LAMP2: variants seen among roughly 807,000 people sequenced by gnomAD.
LAMP2 encodes the protein lysosome-associated membrane glycoprotein 2.
LAMP2 carries 4 observed loss-of-function variants against 25.6 expected under a neutral mutation model. That is an observed-to-expected ratio of 0.16 (90% CI 0.08 to 0.36). The LOEUF is 0.36. Among genes scored for constraint, LAMP2 ranks in the 10% least tolerant of loss-of-function variants. The probability of loss-of-function intolerance (pLI) is 1.00; values close to 1 mark genes in which losing one functional copy is unlikely to be tolerated. For missense variants in LAMP2, 272 were observed against 301.4 expected, an observed-to-expected ratio of 0.90 and a Z score of 0.72; for synonymous variants, 108 against 112.7, an observed-to-expected ratio of 0.96 and a Z score of 0.27.
In LAMP2 at chrX:120,455,497, G is replaced by A; in HGVS notation, c.257C>T (p.Pro86Leu). The change falls in exon 3 of 9, where the codon CCC becomes CTC. Residue 86 changes from proline to leucine, a missense_variant. Physicochemically the swap from Pro to Leu is moderately conservative, Grantham distance 98. Coordinates refer to ENST00000200639, the MANE Select transcript of LAMP2 (RefSeq NM_002294.3). ...GSICGDDQNG[P>L]KIAVQFGPGF... ...AGGTCCGAACTGCACTGCTATTTTG[G>A]GACCATTCTGATCATCCCCACAAAT... 8.3e-7 allele frequency: 1 copy of A among 1,210,065 alleles called. No individual in the cohort carries two copies. The highest frequency in any genetic ancestry group is 3.0e-5 in the East Asian group (1 of 33,813).
Position 120,430,024 on chromosome X carries a change from A to G in LAMP2, c.*1299T>C, listed in dbSNP as rs1445716143. The G allele has an allele frequency of 2.7e-6, 2 of 753,977 alleles. No homozygotes were observed. Among genetic ancestry groups the G allele is most frequent in the Non-Finnish European group, 1.6e-6 (1 of 638,750 alleles). 62.1% of individuals were successfully genotyped at this position (753,977 alleles called of 1,213,427 possible). A position where few individuals can be genotyped will look rare whatever the true frequency, so the allele number is the denominator to read the frequency against. On this transcript the variant is annotated 3_prime_UTR_variant, in exon 9 of 9. Transcript: ENST00000200639. ...GTAACCACACATTAGCCTATGCTGA[A>G]AGAATTTACTATATTTTACTGAAAG...
intron 1 of LAMP2, among the ~76,000 whole-genome samples, chrX:120,460,312 G>A (rs191942399): frequency 1.2e-4 from 13 of 110,680 alleles, no homozygotes; most frequent in Non-Finnish European, 2.3e-4. Flanking sequence ...AAGAGGAGGG[G>A]TTGGTCTTGC....
In LAMP2 at chrX:120,429,825, T is replaced by C. The variant is rs2058515418; in HGVS notation, c.*1498A>G. The C allele has an allele frequency of 1.3e-6, 1 of 751,728 alleles. No homozygotes were observed. Among genetic ancestry groups the C allele is most frequent in the African/African-American group, 2.3e-5 (1 of 43,187 alleles). The allele number at this position is 751,728 out of a possible 1,213,427, so 62.0% of individuals were successfully genotyped here. ...ATTTCACTCCCCTTTCTGTAAATAA[T>C]CGTTAAGGTCCTTTCCAGTAATAGC... On this transcript the variant is annotated 3_prime_UTR_variant, in exon 9 of 9. Transcript: ENST00000200639.
At chrX:120,468,980 G>A (rs1921653117) in intron 1 of LAMP2, 126 bp downstream of exon 1, 3 of 782,294 alleles carry the variant, frequency 3.8e-6, no homozygotes, top group South Asian at 2.1e-5. Context: ...GCCAACCGCC[G>A]CCGCCCAGTG....
chrX:120,437,922 C>T, intron 8 of LAMP2: 1 of 425,199 alleles, frequency 2.4e-6, no homozygotes, highest in Non-Finnish European at 2.9e-6. Flanking sequence ...ATGGTGCGCT[C>T]TTGGCTCACC....
chrX:120,438,891 A>G (rs1358245272), intron 8 of LAMP2: 2 of 920,464 alleles, frequency 2.2e-6, no homozygotes, highest in Admixed American at 1.1e-4. Context: ...TACTAATTCA[A>G]GACAGTAAAA....
chrX:120,460,220 C>T (rs1364009255), intron 1 of LAMP2, among the ~76,000 whole-genome samples: 1 of 109,742 alleles, frequency 9.1e-6, no homozygotes, highest in East Asian at 2.9e-4. Context: ...TTGCAGTGAG[C>T]TGAGATCGCG....
chrX:120,436,914 A>T, intron 8 of LAMP2: 1 of 747,679 alleles, frequency 1.3e-6, no homozygotes, highest in Non-Finnish European at 1.6e-6. Context: ...TATTAACAGC[A>T]TTCAGTCAGT....
At chrX:120,468,679 C>T (rs1921640313) in intron 1 of LAMP2, among the ~76,000 whole-genome samples, 1 of 110,712 alleles carries the variant, frequency 9.0e-6, no homozygotes, top group Admixed American at 9.6e-5. Context: ...AATTTCCTAT[C>T]TCACCCCATA....
At chrX:120,460,309 G>A (rs1470014151) in intron 1 of LAMP2, among the ~76,000 whole-genome samples, 2 of 110,622 alleles carry the variant, frequency 1.8e-5, no homozygotes, top group Non-Finnish European at 3.8e-5. Flanking sequence ...AGGAAGAGGA[G>A]GGGTTGGTCT....
intron 3 of LAMP2, among the ~76,000 whole-genome samples, chrX:120,452,537 GTCTTT>G (rs947613461): frequency 2.8e-5 from 3 of 106,972 alleles, no homozygotes; most frequent in East Asian, 3.0e-4. Context: ...AAATCAGCCA[GTCTTT>G]TCTTTTTCTT....
At chrX:120,452,705 A>C (rs1489403384) in intron 3 of LAMP2, among the ~76,000 whole-genome samples, 1 of 95,194 alleles carries the variant, frequency 1.1e-5, no homozygotes, top group African/African-American at 4.0e-5. Flanking sequence ...ACACGCCACC[A>C]CACCTGGCTT....
chrX:120,461,548 A>G (rs1665438848), intron 1 of LAMP2, among the ~76,000 whole-genome samples: 1 of 110,531 alleles, frequency 9.0e-6, no homozygotes, highest in African/African-American at 3.3e-5. Context: ...TTCCCTTTAG[A>G]TAACATTTCT....
intron 3 of LAMP2, 90 bp downstream of exon 3, chrX:120,455,267 A>G: frequency 1.3e-6 from 1 of 768,161 alleles, no homozygotes; most frequent in African/African-American, 2.1e-5. Flanking sequence ...AGTTAGGAAG[A>G]CAGACATTCA....
Position 120,429,339 on chromosome X carries a change from C to T in LAMP2, c.*1984G>A, listed in dbSNP as rs148513908. The stretch of plus-strand genomic sequence containing the variant: ...AACTGTGTTTAAATCTTGACTCCTT[C>T]CAGTACTAGCCAAAGGACCTTGGGC... On this transcript the variant is annotated 3_prime_UTR_variant, in exon 9 of 9. Coordinates refer to ENST00000200639, the MANE Select transcript of LAMP2 (RefSeq NM_002294.3). 9.6e-4 allele frequency: 646 copies of T among 672,793 alleles called. 5 individuals carry two copies. The African/African-American group carries it at 0.015, about 16-fold the overall frequency. The allele number at this position is 672,793 out of a possible 1,213,427, so 55.4% of individuals were successfully genotyped here.
Position 120,431,553 on chromosome X carries a change from C to G in LAMP2, c.1094-91G>C, listed in dbSNP as rs190895154. The G allele has an allele frequency of 2.5e-5, 23 of 911,239 alleles. 1 individual carries two copies. The Admixed American group carries it at 4.8e-4, about 19-fold the overall frequency. The allele number at this position is 911,239 out of a possible 1,213,427, so 75.1% of individuals were successfully genotyped here. ...AGTAAAATGACAGCACTTCCTAACA[C>G]GCATATTTTGGTTTTTTATACCAAG... On this transcript the variant is annotated intron_variant, in intron 8 of 8. Coordinates refer to ENST00000200639, the MANE Select transcript of LAMP2 (RefSeq NM_002294.3).
intron 8 of LAMP2, chrX:120,438,475 T>C: frequency 1.4e-6 from 1 of 732,754 alleles, no homozygotes; most frequent in Non-Finnish European, 1.6e-6. Flanking sequence ...AAAAAAAAGA[T>C]TAAACAATAA....
chrX:120,426,878 T>C lies in LAMP2; in HGVS notation c.*4445A>G, dbSNP rs2058500983. 8.9e-6 allele frequency among the ~76,000 whole-genome samples: 1 copy of C among 112,620 alleles called. No individual in the cohort carries two copies. Among genetic ancestry groups the C allele is most frequent in the Admixed American group, 9.4e-5 (1 of 10,641 alleles). The stretch of plus-strand genomic sequence containing the variant: ...AGAGTGTGAATCTGTATGTCAGAGC[T>C]ATAGAGTTCTAGAGGAGTTGTAGTT... On this transcript the variant is annotated 3_prime_UTR_variant, in exon 9 of 9. Coordinates refer to ENST00000200639, the MANE Select transcript of LAMP2 (RefSeq NM_002294.3).
chrX:120,467,824 G>A (rs757457284), intron 1 of LAMP2, among the ~76,000 whole-genome samples: 7 of 112,077 alleles, frequency 6.2e-5, no homozygotes, highest in Admixed American at 1.9e-4. Context: ...GTGCAATGGC[G>A]CAATCTTGGC....
Sources: gnomAD v4.1 joint callset for allele counts (sites outside exome capture counted in the v4.1 genomes callset) on GRCh38, gnomAD v4.1.1 for gene constraint, MANE v1.5 for transcripts, NCBI Gene and HGNC (gene_info 2026-07-23, HGNC 2026-07-21) for gene names.